Variants in ENOSF1 observed in about 807,000 individuals in gnomAD.
ENOSF1 encodes mitochondrial enolase superfamily member 1.
In ENOSF1, 73 loss-of-function variants were observed where a neutral mutation model predicts 68.2. That is an observed-to-expected ratio of 1.07 (90% confidence interval 0.89 to 1.30). ENOSF1 has a LOEUF of 1.30. ENOSF1 is among the 50% of genes most tolerant of loss of function. The pLI, the probability that ENOSF1 is intolerant of heterozygous loss-of-function variation, is 0.00. For missense variants in ENOSF1, 589 were observed against 554.5 expected (o/e 1.06, Z -0.62); for synonymous variants, 223 against 210.4 (o/e 1.06, Z -0.52).
chr18:699,180 T>C lies in ENOSF1; in HGVS notation c.194-1825A>G, dbSNP rs545288647. On this transcript the variant is annotated intron_variant, in intron 2 of 15. Transcript: ENST00000647584. ...CTGTGGTATTTTACTTTGAAAGGATTTCTTGGACCTGGCGCTCACTCCTGT... is the reference window on the plus strand; with the variant it reads ...CTGTGGTATTTTACTTTGAAAGGATCTCTTGGACCTGGCGCTCACTCCTGT... Among the ~76,000 whole-genome samples the C allele has an allele frequency of 3.2e-4, 49 of 152,220 alleles. No homozygotes were observed. The South Asian group carries it at 4.6e-3, about 14-fold the overall frequency.
Position 693,923 on chromosome 18 carries a change from G to T in ENOSF1, c.397-15C>A. On this transcript the variant is annotated splice_polypyrimidine_tract_variant and intron_variant, in intron 4 of 15. Coordinates refer to ENST00000647584, the MANE Select transcript of ENOSF1 (RefSeq NM_017512.7). ...TTCCAGACAGGCTTGAAGTAAAAAA[G>T]AAAGGATTTGTAAGACATATGTGTA... 6.2e-7 allele frequency: 1 copy of T among 1,613,758 alleles called. No individual in the cohort carries two copies. Among genetic ancestry groups the T allele is most frequent in the Non-Finnish European group, 8.5e-7 (1 of 1,179,900 alleles).
rs546638111 is a variant in ENOSF1 at position 672,798 on chromosome 18, TGAG to T, written c.*1504_*1506del. 6 of 1,501,528 alleles carry T rather than the reference TGAG, an allele frequency of 4.0e-6. No individual in the cohort carries two copies. The South Asian group carries it at 8.0e-5, about 20-fold the overall frequency. 93.0% of individuals were successfully genotyped at this position (1,501,528 alleles called of 1,614,324 possible). A position where few individuals can be genotyped will look rare whatever the true frequency, so the allele number is the denominator to read the frequency against. On this transcript the variant is annotated 3_prime_UTR_variant, in exon 16 of 16. Coordinates refer to ENST00000647584, the MANE Select transcript of ENOSF1 (RefSeq NM_017512.7). ...ATCCTGTGTACTTGTTTCACGGACA[TGAG>T]GAGCAATTACAACAGGTCGTACAAT... is the stretch of plus-strand genomic sequence containing the variant.
chr18:675,821 T>C (rs796554033), intron 14 of ENOSF1, among the ~76,000 whole-genome samples: 1 of 151,862 alleles, frequency 6.6e-6, no homozygotes. Flanking sequence ...CTTGGGGTTT[T>C]TTTGGCAGGT....
chr18:711,001 C>T (rs1754054349), intron 1 of ENOSF1, among the ~76,000 whole-genome samples: 1 of 152,112 alleles, frequency 6.6e-6, no homozygotes, highest in Non-Finnish European at 1.5e-5. Context: ...TGGGCCCTGT[C>T]TCTACAAAAA....
chr18:704,192 G>C (rs756061400), intron 2 of ENOSF1, among the ~76,000 whole-genome samples: 1 of 152,028 alleles, frequency 6.6e-6, no homozygotes, highest in Non-Finnish European at 1.5e-5. Flanking sequence ...TTAGCACTTT[G>C]AGAGGCCAAG....
Position 683,766 on chromosome 18 carries a change from A to AC in ENOSF1, c.742-387_742-386insG, listed in dbSNP as rs142021180. ...GTAGAAACCATTTTGTCACATTCTG[A>AC]ATCATGCACAATCAACATTGTTTGT... On this transcript the variant is annotated intron_variant, in intron 10 of 15. Transcript: ENST00000647584. Among the ~76,000 whole-genome samples, 1,432 of 152,172 alleles carry AC rather than the reference A, an allele frequency of 9.4e-3. 69 individuals are homozygous for AC. The East Asian group carries it at 0.13, about 14-fold the overall frequency.
chr18:694,206 A>T, intron 4 of ENOSF1, 42 bp downstream of exon 4: 1 of 1,581,536 alleles, frequency 6.3e-7, no homozygotes, highest in South Asian at 1.1e-5. Context: ...TCAGTGTCGT[A>T]CAGCTCCCAG....
intron 8 of ENOSF1, 144 bp from the exon 9 acceptor site, chr18:688,752 G>C (rs2076869232): frequency 1.4e-6 from 1 of 696,804 alleles, no homozygotes. Flanking sequence ...ATTAACAGCA[G>C]AAACAGCCTG....
At position 691,274 on chromosome 18, in the gene ENOSF1, A is replaced by T; in HGVS notation, c.426T>A (p.Asp142Glu). ...KPVWKLLVDM[D>E]PRMLVSCIDF... Reference sequence around the variant, plus strand: ...CTATGCAGGATACCAGCATCCTGGGATCCTGGCAACGTGACAGGAGGGGAA... The same window carrying T: ...CTATGCAGGATACCAGCATCCTGGGTTCCTGGCAACGTGACAGGAGGGGAA... The change falls in exon 6 of 16, where the codon GAT (aspartate) becomes GAA (glutamate). Residue 142 changes from aspartate (D) to glutamate (E), a missense_variant and splice_region_variant. By Grantham distance (45) the Asp-to-Glu change is conservative. Coordinates refer to ENST00000647584, the MANE Select transcript of ENOSF1 (RefSeq NM_017512.7). The T allele has an allele frequency of 6.2e-7, 1 of 1,613,560 alleles. No individual in the cohort carries two copies.
intron 5 of ENOSF1, chr18:691,582 A>G (rs1208815289): frequency 3.9e-6 from 1 of 254,536 alleles, no homozygotes; most frequent in Non-Finnish European, 7.5e-6. Flanking sequence ...CCTGGCTTCA[A>G]GCAATCCTCC....
At chr18:667,221 T>C (rs866995927), downstream of ENOSF1, among the ~76,000 whole-genome samples, 4 of 37,064 alleles carry the variant, frequency 1.1e-4, no homozygotes, top group African/African-American at 7.0e-4. Flanking sequence ...ATGGAGATGG[T>C]GATGGTGATG....
chr18:711,461 A>G (rs1412718450), intron 1 of ENOSF1, among the ~76,000 whole-genome samples: 3 of 152,050 alleles, frequency 2.0e-5, no homozygotes, highest in Non-Finnish European at 4.4e-5. Flanking sequence ...TTTTCCTAAC[A>G]TTGCCGTTCC....
the ENOSF1 span, among the ~76,000 whole-genome samples, chr18:664,231 A>G: frequency 1.3e-5 from 2 of 152,002 alleles, no homozygotes; most frequent in Non-Finnish European, 2.9e-5. Context: ...GAGGTCCTTC[A>G]CATCCCTTTT....
intron 8 of ENOSF1, among the ~76,000 whole-genome samples, chr18:689,972 A>T (rs750049922): frequency 3.9e-5 from 6 of 152,072 alleles, no homozygotes; most frequent in Non-Finnish European, 8.8e-5. Context: ...GCCTCCATAA[A>T]ACCCCCAAGG....
At chr18:667,077 A>T (rs182891213), downstream of ENOSF1, among the ~76,000 whole-genome samples, 89 of 40,760 alleles carry the variant, frequency 2.2e-3, 17 homozygotes, top group Admixed American at 2.8e-3. Context: ...ATGGTGATGG[A>T]GATGGTGATG....
intron 5 of ENOSF1, chr18:692,644 C>A: frequency 2.8e-5 from 22 of 782,780 alleles, no homozygotes; most frequent in East Asian, 2.5e-4. Flanking sequence ...GAAAAGAGTA[C>A]TGGCATTGAA....
intron 2 of ENOSF1, 74 bp downstream of exon 2, chr18:706,396 G>C (rs1044740508): frequency 2.3e-5 from 22 of 975,856 alleles, no homozygotes; most frequent in Non-Finnish European, 3.5e-5. Flanking sequence ...AGATTCTAAT[G>C]AATCTAAGAA....
In ENOSF1 at chr18:677,859, ACT is replaced by A; in HGVS notation, c.930_931del (p.Arg310SerfsTer4). 6.2e-7 allele frequency: 1 copy of A among 1,613,196 alleles called. No homozygotes were observed. On this transcript the variant is annotated frameshift_variant, in exon 13 of 16. Transcript: ENST00000647584. LOFTEE classifies it high-confidence loss of function. ...CGCCTGTAGGAGTTGCTTAAATATC[ACT>A]CTATTGTGGCACTGGAAATAGAATT...
intron 12 of ENOSF1, 153 bp downstream of exon 12, chr18:678,543 C>CT (rs2075748773): frequency 2.7e-6 from 2 of 738,870 alleles, no homozygotes; most frequent in South Asian, 3.5e-5. Context: ...ACTCTAGACT[C>CT]TGATAAAATG....
Sources: allele counts gnomAD v4.1 joint callset (sites outside exome capture counted in the v4.1 genomes callset), GRCh38; gene constraint gnomAD v4.1.1; transcripts MANE v1.5; gene names NCBI Gene and HGNC (gene_info 2026-07-23, HGNC 2026-07-21).